PTPN14: variants seen among roughly 807,000 people sequenced by gnomAD.
PTPN14 encodes the protein protein tyrosine phosphatase non-receptor type 14, also known as tyrosine-protein phosphatase non-receptor type 14.
Under a neutral mutation model 126.8 loss-of-function variants are expected in PTPN14, and 53 were observed. The observed-to-expected ratio is 0.42, with a 90% CI of 0.34 to 0.53. The LOEUF (loss-of-function observed/expected upper bound fraction) is 0.53. PTPN14 is among the 20% of genes least tolerant of loss of function. The probability of loss-of-function intolerance (pLI) is 0.08; values close to 1 mark genes in which losing one functional copy is unlikely to be tolerated. For missense variants in PTPN14, 1,257 were observed against 1,552.9 expected, an observed-to-expected ratio of 0.81 and a Z score of 3.20; for synonymous variants, 630 against 599.3, an observed-to-expected ratio of 1.05 and a Z score of -0.75.
chr1:214,452,343 C>A (rs1316271987), intron 2 of PTPN14, among the ~76,000 whole-genome samples: 1 of 152,248 alleles, frequency 6.6e-6, no homozygotes, highest in East Asian at 1.9e-4. Flanking sequence ...ATGGAGCACA[C>A]TGGCAAAGAC....
chr1:214,537,228 C>T (rs78768217), intron 1 of PTPN14, among the ~76,000 whole-genome samples: 2,233 of 152,256 alleles, frequency 0.015, 56 homozygotes, highest in African/African-American at 0.05. Flanking sequence ...AAAGATGATA[C>T]CTTTCACTGC....
chr1:214,409,302 T>C (rs183071631), intron 5 of PTPN14, among the ~76,000 whole-genome samples: 4 of 152,352 alleles, frequency 2.6e-5, no homozygotes, highest in Non-Finnish European at 4.4e-5. Flanking sequence ...TTCTTTTGAT[T>C]CCACATACAA....
At chr1:214,389,966 A>T (rs1658712396) in intron 11 of PTPN14, among the ~76,000 whole-genome samples, 1 of 152,236 alleles carries the variant, frequency 6.6e-6, no homozygotes. Flanking sequence ...GGCACTCAGG[A>T]ATTACTGCGA....
chr1:214,433,693 CA>C lies in PTPN14; in HGVS notation c.344+18111del, dbSNP rs570915793. On this transcript the variant is annotated intron_variant, in intron 3 of 18. Transcript: ENST00000366956. ...TATACGTCCAGTTCCCAGCACACAG[CA>C]GATATTCAATATATAAACGAATGAA... 3.6e-3 allele frequency among the ~76,000 whole-genome samples: 547 copies of C among 152,028 alleles called. 1 individual carries two copies. The highest frequency in any genetic ancestry group is 0.013 in the African/African-American group (521 of 41,448).
At chr1:214,358,469 A>G (rs1657878252) in intron 18 of PTPN14, among the ~76,000 whole-genome samples, 1 of 152,028 alleles carries the variant, frequency 6.6e-6, no homozygotes, top group South Asian at 2.1e-4. Context: ...TCTGCTGGTT[A>G]AAACATAAAG....
intron 1 of PTPN14, among the ~76,000 whole-genome samples, chr1:214,496,176 CT>C (rs1175260236): frequency 6.6e-6 from 1 of 152,126 alleles, no homozygotes; most frequent in Non-Finnish European, 1.5e-5. Context: ...AACAAAAATA[CT>C]TTTGCTCTGC....
chr1:214,393,927 CT>C (rs1658818540), intron 9 of PTPN14, 150 bp from the exon 10 acceptor site: 1 of 669,226 alleles, frequency 1.5e-6, no homozygotes, highest in Non-Finnish European at 2.6e-6. Flanking sequence ...AACCAGCCTG[CT>C]GAATTTCAGC....
chr1:214,509,465 G>A (rs6701211), intron 1 of PTPN14, among the ~76,000 whole-genome samples: 36,007 of 152,108 alleles, frequency 0.24, 8,144 homozygotes, highest in African/African-American at 0.59. Context: ...ATTAGGCTTT[G>A]GCTTAAGGAA....
chr1:214,362,938 C>T (rs981856001), intron 18 of PTPN14, among the ~76,000 whole-genome samples: 8 of 152,194 alleles, frequency 5.3e-5, no homozygotes, highest in Non-Finnish European at 1.0e-4. Context: ...GATGATGAGG[C>T]CCTCAAGCCA....
chr1:214,479,171 C>T (rs561335119), intron 1 of PTPN14, among the ~76,000 whole-genome samples: 153 of 152,036 alleles, frequency 1.0e-3, no homozygotes, highest in Non-Finnish European at 1.8e-3. Context: ...CAAAGCAAGA[C>T]CCACATCTCT....
intron 10 of PTPN14, among the ~76,000 whole-genome samples, chr1:214,392,994 C>T (rs1180274334): frequency 6.6e-6 from 1 of 152,188 alleles, no homozygotes; most frequent in African/African-American, 2.4e-5. Flanking sequence ...GGCGCCCAAA[C>T]CGCTGAATGT....
intron 1 of PTPN14, among the ~76,000 whole-genome samples, chr1:214,468,541 G>A (rs1163139283): frequency 5.3e-5 from 8 of 151,562 alleles, no homozygotes; most frequent in Non-Finnish European, 1.0e-4. Flanking sequence ...GAGCAACAGA[G>A]CAAAAACTCT....
intron 8 of PTPN14, among the ~76,000 whole-genome samples, chr1:214,396,724 T>C (rs1220852869): frequency 6.6e-6 from 1 of 152,210 alleles, no homozygotes; most frequent in Non-Finnish European, 1.5e-5. Flanking sequence ...AATTGCAATT[T>C]TCTTCTATTT....
intron 1 of PTPN14, among the ~76,000 whole-genome samples, chr1:214,544,161 C>T (rs1196347898): frequency 1.3e-5 from 2 of 152,232 alleles, no homozygotes; most frequent in Non-Finnish European, 2.9e-5. Flanking sequence ...CACAGGGGCC[C>T]ACGCCTGGAA....
chr1:214,394,975 A>G lies in PTPN14; in HGVS notation c.770T>C (p.Met257Thr). 2 of 1,612,024 alleles carry G rather than the reference A, an allele frequency of 1.2e-6. No individual in the cohort carries two copies. Among genetic ancestry groups the G allele is most frequent in the Admixed American group, 1.7e-5 (1 of 60,016 alleles). The change falls in exon 9 of 19, where the codon ATG (methionine) becomes ACG (threonine). Residue 257 changes from methionine (M) to threonine (T), a missense_variant. Around this residue, in one of 3 missense-constraint regions of PTPN14, gnomAD observed 1,021 missense variants for 1,183.3 expected, o/e 0.86. Coordinates refer to ENST00000366956, the MANE Select transcript of PTPN14 (RefSeq NM_005401.5). ...RQAVIYRWND[M>T]GNITHNKSTI... is the part of the protein sequence containing the mutation. Reference sequence around the variant, plus strand: ...CGACTTGTTATGAGTGATATTCCCCATGTCATTCCACCTGGTTAGAAGAAA... The same window carrying G: ...CGACTTGTTATGAGTGATATTCCCCGTGTCATTCCACCTGGTTAGAAGAAA...
At chr1:214,548,661 T>C (rs889784613) in intron 1 of PTPN14, among the ~76,000 whole-genome samples, 2 of 152,208 alleles carry the variant, frequency 1.3e-5, no homozygotes, top group African/African-American at 4.8e-5. Context: ...GGGGCTATAA[T>C]ATGTAATCAA....
At position 214,350,007 on chromosome 1, in the gene PTPN14, C is replaced by T. The variant is rs1414789189; in HGVS notation, c.*7915G>A. The stretch of plus-strand genomic sequence containing the variant: ...TGAGATTTTAGCAAAAGGCTCCGCC[C>T]CAAGCCACAAAAAGATCCCAATCCA... On this transcript the variant is annotated 3_prime_UTR_variant, in exon 19 of 19. Coordinates refer to ENST00000366956, the MANE Select transcript of PTPN14 (RefSeq NM_005401.5). 5.3e-5 allele frequency: 8 copies of T among 152,160 alleles called. No homozygotes were observed. The highest frequency in any genetic ancestry group is 1.0e-4 in the Non-Finnish European group (7 of 68,034). 9.4% of individuals were successfully genotyped at this position (152,160 alleles called of 1,614,324 possible).
rs768694082 is a variant in PTPN14, at chr1:214,383,362, A to C, written c.2493T>G (p.Ser831=). The C allele has an allele frequency of 8.7e-6, 14 of 1,614,042 alleles. No individual in the cohort carries two copies. The highest frequency in any genetic ancestry group is 3.3e-4 in the Middle Eastern group (2 of 6,084). The part of the protein sequence containing the change: ...KKEPVKERPV[S]EMFSLEDSII... ...TGCTGTCTTCCAGGGAAAACATTTC[A>C]GACACAGGTCTCTCCTTCACAGGCT... is the stretch of plus-strand genomic sequence containing the variant. Residue 831 remains serine, a synonymous_variant, in exon 13 of 19, where the codon TCT becomes TCG. Transcript: ENST00000366956. The surrounding 1 kb of genome is among the most constrained non-coding windows in gnomAD (Gnocchi z 4.4).
At chr1:214,475,529 AC>A (rs1191836841) in intron 1 of PTPN14, among the ~76,000 whole-genome samples, 19 of 152,292 alleles carry the variant, frequency 1.2e-4, no homozygotes, top group Admixed American at 9.2e-4. Context: ...GTTGTAAGAC[AC>A]CCCACCCTTC....
Sources: allele counts gnomAD v4.1 joint callset (sites outside exome capture counted in the v4.1 genomes callset), GRCh38; gene constraint gnomAD v4.1.1; regional missense constraint gnomAD v4.1.1; non-coding constraint Gnocchi (gnomAD v3.1); transcripts MANE v1.5; gene names NCBI Gene and HGNC (gene_info 2026-07-23, HGNC 2026-07-21).